The following CDH1 variants were observed in gnomAD, a reference collection of about 807,000 sequenced individuals.
The protein encoded by CDH1 is cadherin 1.
A neutral mutation model predicts 84.5 loss-of-function variants in CDH1; 35 were observed. That is an observed-to-expected ratio of 0.41 (90% CI 0.32 to 0.55). CDH1 has a LOEUF of 0.55. Among genes scored for constraint, CDH1 ranks in the 20% least tolerant of loss-of-function variants. The pLI is 0.19. For missense variants in CDH1, 994 were observed against 1,126.6 expected, an observed-to-expected ratio of 0.88 and a Z score of 1.68; for synonymous variants, 417 against 439.0, an observed-to-expected ratio of 0.95 and a Z score of 0.63.
intron 2 of CDH1, among the ~76,000 whole-genome samples, chr16:68,753,847 C>T (rs569890129): frequency 1.3e-5 from 2 of 151,996 alleles, no homozygotes; most frequent in East Asian, 1.9e-4. Flanking sequence ...GGGCAGGGCA[C>T]GGTGGCCGAC....
intron 12 of CDH1, 67 bp downstream of exon 12, chr16:68,822,292 C>T (rs912632662): frequency 5.7e-6 from 6 of 1,058,598 alleles, no homozygotes; most frequent in Non-Finnish European, 8.8e-6. Flanking sequence ...CCCAGATCCC[C>T]ACCTTTCAAT....
chr16:68,780,136 G>A (rs1226303746), intron 2 of CDH1, among the ~76,000 whole-genome samples: 1 of 150,378 alleles, frequency 6.6e-6, no homozygotes, highest in Non-Finnish European at 1.5e-5. Context: ...CTTCCAAAGG[G>A]GACCGTGTGG....
intron 2 of CDH1, among the ~76,000 whole-genome samples, chr16:68,784,874 A>G (rs1376994649): frequency 6.6e-6 from 1 of 151,614 alleles, no homozygotes; most frequent in African/African-American, 2.4e-5. Context: ...CCAGTTTCTC[A>G]GGAGGGTGAG....
intron 2 of CDH1, among the ~76,000 whole-genome samples, chr16:68,786,822 A>G (rs182682746): frequency 4.6e-5 from 7 of 152,192 alleles, no homozygotes; most frequent in Admixed American, 4.6e-4. Context: ...AGCACATGTG[A>G]CCTGGAGACT....
chr16:68,758,514 G>A (rs1260488721), intron 2 of CDH1, among the ~76,000 whole-genome samples: 1 of 151,920 alleles, frequency 6.6e-6, no homozygotes, highest in Admixed American at 6.6e-5. Flanking sequence ...TTGAGCCTGG[G>A]AGTTTCGAGG....
intron 2 of CDH1, among the ~76,000 whole-genome samples, chr16:68,760,107 T>A (rs1189147968): frequency 1.4e-5 from 2 of 147,434 alleles, no homozygotes; most frequent in Non-Finnish European, 3.0e-5. Flanking sequence ...TTTTTTAATT[T>A]TTTTTTTTTG....
chr16:68,826,227 CCATGTAGAGCAA>C (rs745421146), intron 13 of CDH1, among the ~76,000 whole-genome samples: 1 of 152,020 alleles, frequency 6.6e-6, no homozygotes, highest in Non-Finnish European at 1.5e-5. Flanking sequence ...GTGGGGATTC[CCATGTAGAGCAA>C]CATTTAAAAC....
At chr16:68,774,018 C>A (rs1029844987) in intron 2 of CDH1, among the ~76,000 whole-genome samples, 1 of 152,294 alleles carries the variant, frequency 6.6e-6, no homozygotes, top group Admixed American at 6.5e-5. Flanking sequence ...CAGCCTCAAG[C>A]GATCTTCCCA....
intron 11 of CDH1, among the ~76,000 whole-genome samples, 163 bp from the exon 12 acceptor site, chr16:68,821,838 G>A (rs1437033369): frequency 6.6e-6 from 1 of 152,152 alleles, no homozygotes. Context: ...CCTGGGAGTG[G>A]AGGTCCTTTG....
rs1064793867 is a variant in CDH1, at chr16:68,801,750, G to A, written c.244G>A (p.Val82Met). The change falls in exon 3 of 16, where the codon GTG (valine) becomes ATG (methionine). Residue 82 changes from valine to methionine, a missense_variant. Physicochemically the swap from Val to Met is conservative, Grantham distance 21. Transcript: ENST00000261769. ...CCGATTCAAAGTGGGCACAGATGGTGTGATTACAGTCAAAAGGCCTCTACG... is the reference window on the plus strand; with the variant it reads ...CCGATTCAAAGTGGGCACAGATGGTATGATTACAGTCAAAAGGCCTCTACG... ...DTRFKVGTDG[V>M]ITVKRPLRFH... The A allele has an allele frequency of 4.3e-6, 7 of 1,614,188 alleles. No homozygotes were observed. Among genetic ancestry groups the A allele is most frequent in the South Asian group, 1.1e-5 (1 of 91,086 alleles).
chr16:68,744,194 T>C (rs943393880), intron 2 of CDH1, among the ~76,000 whole-genome samples: 2 of 152,178 alleles, frequency 1.3e-5, no homozygotes, highest in East Asian at 3.9e-4. Flanking sequence ...TTAAGGTTGA[T>C]TGTAAATGGG....
chr16:68,811,751 C>G lies in CDH1; in HGVS notation c.900C>G (p.Ile300Met), dbSNP rs775452740. Residue 300 changes from isoleucine (I) to methionine (M), a missense_variant, in exon 7 of 16, where the codon ATC becomes ATG. Around this residue, in one of 3 missense-constraint regions of CDH1, gnomAD observed 769 missense variants for 881.8 expected, o/e 0.87. Coordinates refer to ENST00000261769, the MANE Select transcript of CDH1 (RefSeq NM_004360.5). ...DDDVNTYNAA[I>M]AYTILSQDPE... ...ATGTGAACACCTACAATGCCGCCAT[C>G]GCTTACACCATCCTCAGCCAAGATC... is the stretch of plus-strand genomic sequence containing the variant. 1 of 1,614,068 alleles carries G rather than the reference C, an allele frequency of 6.2e-7. No individual in the cohort carries two copies. The highest frequency in any genetic ancestry group is 1.6e-4 in the Middle Eastern group (1 of 6,062).
intron 5 of CDH1, 136 bp downstream of exon 5, chr16:68,808,984 AAGG>A: frequency 2.5e-6 from 2 of 800,690 alleles, no homozygotes; most frequent in Non-Finnish European, 2.1e-6. Flanking sequence ...ACCTGTTGCT[AAGG>A]AGAAGTGATG....
chr16:68,794,009 A>T (rs954296713), intron 2 of CDH1, among the ~76,000 whole-genome samples: 2 of 151,034 alleles, frequency 1.3e-5, no homozygotes, highest in Non-Finnish European at 2.9e-5. Context: ...AAGGACATAG[A>T]CTGTTGTTGT....
At chr16:68,827,573 A>G (rs541178259) in intron 13 of CDH1, among the ~76,000 whole-genome samples, 1 of 152,282 alleles carries the variant, frequency 6.6e-6, no homozygotes, top group Admixed American at 6.5e-5. Context: ...TCTTAAGAGA[A>G]AATAAGAACA....
intron 2 of CDH1, among the ~76,000 whole-genome samples, chr16:68,774,674 C>CG (rs940103135): frequency 2.6e-5 from 4 of 152,126 alleles, no homozygotes; most frequent in African/African-American, 9.7e-5. Flanking sequence ...GCAATGAAAG[C>CG]GGATGCCTGG....
At position 68,737,478 on chromosome 16, in the gene CDH1, C is replaced by G; in HGVS notation, c.48+15C>G. On this transcript the variant is annotated intron_variant, in intron 1 of 15. Coordinates refer to ENST00000261769, the MANE Select transcript of CDH1 (RefSeq NM_004360.5). ...TGCTGCTGCAGGTACCCCGGATCCCCTGACTTGCGAGGGACGCATTCGGGC... is the reference window on the plus strand; with the variant it reads ...TGCTGCTGCAGGTACCCCGGATCCCGTGACTTGCGAGGGACGCATTCGGGC... 2 of 1,535,892 alleles carry G rather than the reference C, an allele frequency of 1.3e-6. No homozygotes were observed. Among genetic ancestry groups the G allele is most frequent in the Non-Finnish European group, 1.7e-6 (2 of 1,147,422 alleles).
intron 15 of CDH1, among the ~76,000 whole-genome samples, 155 bp downstream of exon 15, chr16:68,829,952 TC>T (rs369765482): frequency 2.4e-5 from 3 of 124,466 alleles, no homozygotes; most frequent in Middle Eastern, 3.3e-3. Context: ...TCTTTTTTTT[TC>T]TTTTTCTTTT....
chr16:68,801,550 GGTTTGTTTTGGTTGT>G lies in CDH1; in HGVS notation c.164-114_164-100del, dbSNP rs1960498506. On this transcript the variant is annotated intron_variant, in intron 2 of 15. Transcript: ENST00000261769. ...CTTTGTTGTTCTGTCACCAGATTAT[GGTTTGTTTTGGTTGT>G]GTTTGGTTTTGTGGGAGTCTTCCCA... The G allele has an allele frequency of 5.0e-6, 4 of 804,882 alleles. No individual in the cohort carries two copies. The East Asian group carries it at 9.7e-5, about 20-fold the overall frequency. The allele number at this position is 804,882 out of a possible 1,614,324, so 49.9% of individuals were successfully genotyped here. A position where few individuals can be genotyped will look rare whatever the true frequency, so the allele number is the denominator to read the frequency against.
Sources: gnomAD v4.1 joint callset for allele counts (sites outside exome capture counted in the v4.1 genomes callset) on GRCh38, gnomAD v4.1.1 for gene constraint, gnomAD v4.1.1 regional missense constraint, MANE v1.5 for transcripts, NCBI Gene and HGNC (gene_info 2026-07-23, HGNC 2026-07-21) for gene names.